RBM25: variants seen among roughly 807,000 people sequenced by gnomAD.
The protein encoded by RBM25 is RNA-binding protein 25.
In RBM25, 19 loss-of-function variants were observed where a neutral mutation model predicts 120.7. That is an observed-to-expected ratio of 0.16 (90% confidence interval 0.11 to 0.23). The LOEUF (loss-of-function observed/expected upper bound fraction) is 0.23. Ranked by LOEUF, RBM25 falls within the 10% of genes least tolerant of loss-of-function variation. The pLI is 1.00. For missense variants in RBM25, 605 were observed against 1,041.5 expected (o/e 0.58, Z 5.77); for synonymous variants, 390 against 326.7 (o/e 1.19, Z -2.09).
At chr14:73,099,300 T>C (rs1896013827) in intron 7 of RBM25, 80 bp from the exon 8 acceptor site, 1 of 1,244,134 alleles carries the variant, frequency 8.0e-7, no homozygotes, top group Non-Finnish European at 1.1e-6. Flanking sequence ...ACGTCATAAA[T>C]GTATAGGGCA....
At chr14:73,074,358 T>TA (rs1361295200) in intron 2 of RBM25, among the ~76,000 whole-genome samples, 1 of 152,164 alleles carries the variant, frequency 6.6e-6, no homozygotes, top group African/African-American at 2.4e-5. Context: ...TAGCTGAGAC[T>TA]ATAGATGTGT....
chr14:73,064,398 T>G (rs1336754944), intron 1 of RBM25, among the ~76,000 whole-genome samples: 1 of 151,354 alleles, frequency 6.6e-6, no homozygotes, highest in African/African-American at 2.4e-5. Flanking sequence ...GACCAATCTT[T>G]TTTATTTTTG....
chr14:73,093,973 A>T (rs184913479), intron 6 of RBM25, among the ~76,000 whole-genome samples: 2,003 of 127,586 alleles, frequency 0.016, 40 homozygotes, highest in East Asian at 0.048. Flanking sequence ...TTTTCTTGAG[A>T]CAGAGTCTCA....
intron 1 of RBM25, among the ~76,000 whole-genome samples, chr14:73,062,697 T>G (rs1010395977): frequency 6.6e-6 from 1 of 151,476 alleles, no homozygotes; most frequent in African/African-American, 2.4e-5. Flanking sequence ...TGGACCAGAT[T>G]TCTTGAGATA....
At chr14:73,071,020 T>A (rs1189373157) in intron 1 of RBM25, among the ~76,000 whole-genome samples, 1 of 141,654 alleles carries the variant, frequency 7.1e-6, no homozygotes, top group Non-Finnish European at 1.5e-5. Context: ...GGAGGGTGGA[T>A]CACTTGAGGT....
At chr14:73,114,654 G>C (rs1169110529) in intron 18 of RBM25, among the ~76,000 whole-genome samples, 2 of 152,172 alleles carry the variant, frequency 1.3e-5, no homozygotes, top group East Asian at 3.8e-4. Flanking sequence ...CCCAGTACTT[G>C]GGAGGCTGAG....
At chr14:73,094,872 G>A (rs1362101762) in intron 6 of RBM25, among the ~76,000 whole-genome samples, 1 of 147,622 alleles carries the variant, frequency 6.8e-6, no homozygotes, top group African/African-American at 2.5e-5. Context: ...TTTGATGGGG[G>A]TGGAGACAGA....
chr14:73,068,615 G>A (rs772772797), intron 1 of RBM25: 23 of 463,808 alleles, frequency 5.0e-5, no homozygotes, highest in Non-Finnish European at 7.9e-5. Flanking sequence ...AGTCTGGCTG[G>A]CATTACCACA....
chr14:73,091,175 T>G (rs927162002), intron 6 of RBM25, among the ~76,000 whole-genome samples: 1 of 152,210 alleles, frequency 6.6e-6, no homozygotes, highest in Non-Finnish European at 1.5e-5. Context: ...TACTACGTAT[T>G]TTTATAAATA....
At chr14:73,108,387 C>T (rs957858794) in intron 13 of RBM25, among the ~76,000 whole-genome samples, 9 of 152,198 alleles carry the variant, frequency 5.9e-5, no homozygotes, top group African/African-American at 1.9e-4. Flanking sequence ...CAACGAATCT[C>T]TGTAACTATC....
chr14:73,086,769 A>G (rs541425307), intron 5 of RBM25, among the ~76,000 whole-genome samples: 9 of 152,190 alleles, frequency 5.9e-5, no homozygotes, highest in Admixed American at 2.0e-4. Flanking sequence ...CAGTGGGGCA[A>G]TCTCAGCTTA....
At position 73,103,471 on chromosome 14, in the gene RBM25, C is replaced by A; in HGVS notation, c.1147C>A (p.Arg383=). Residue 383 remains arginine, a synonymous_variant, in exon 10 of 19, where the codon CGA becomes AGA. Coordinates refer to ENST00000261973, the MANE Select transcript of RBM25 (RefSeq NM_021239.3). The part of the protein sequence containing the change: ...RSSDRNKDRS[R]SREKSRDRER... Reference sequence around the variant, plus strand: ...CTCAGATCGTAATAAGGATCGCAGTCGATCAAGGTAAGGCTTTACAGAAGT... The same window carrying A: ...CTCAGATCGTAATAAGGATCGCAGTAGATCAAGGTAAGGCTTTACAGAAGT... The A allele has an allele frequency of 1.3e-6, 2 of 1,593,026 alleles. No homozygotes were observed. Among genetic ancestry groups the A allele is most frequent in the Non-Finnish European group, 1.7e-6 (2 of 1,171,010 alleles).
At chr14:73,099,007 C>A (rs537379450) in intron 7 of RBM25, among the ~76,000 whole-genome samples, 106 of 152,238 alleles carry the variant, frequency 7.0e-4, no homozygotes, top group Non-Finnish European at 1.2e-3. Flanking sequence ...CTTCCTCTTT[C>A]TTCATTAGTG....
At chr14:73,087,066 A>T (rs1254134739) in intron 5 of RBM25, among the ~76,000 whole-genome samples, 1 of 45,590 alleles carries the variant, frequency 2.2e-5, no homozygotes, top group Admixed American at 2.3e-4. Flanking sequence ...CTGAAATGTC[A>T]AATTTACTAT....
At chr14:73,114,120 C>G (rs3025771) in intron 17 of RBM25, among the ~76,000 whole-genome samples, 166 bp from the exon 18 acceptor site, 1,769 of 152,226 alleles carry the variant, frequency 0.012, 32 homozygotes, top group African/African-American at 0.038. Flanking sequence ...GGTTTTGGTG[C>G]CTCTTTCGTT....
At chr14:73,092,038 T>C (rs978143366) in intron 6 of RBM25, among the ~76,000 whole-genome samples, 21 of 152,164 alleles carry the variant, frequency 1.4e-4, no homozygotes, top group African/African-American at 5.1e-4. Flanking sequence ...GTACTTGAAG[T>C]CATAGGATAA....
At chr14:73,062,180 A>G (rs1228922127) in intron 1 of RBM25, among the ~76,000 whole-genome samples, 1 of 151,596 alleles carries the variant, frequency 6.6e-6, no homozygotes, top group Non-Finnish European at 1.5e-5. Flanking sequence ...AAAAGTGGCA[A>G]TGTCAGAAAA....
At chr14:73,108,096 A>G (rs362434) in intron 13 of RBM25, among the ~76,000 whole-genome samples, 197 bp downstream of exon 13, 33 of 152,230 alleles carry the variant, frequency 2.2e-4, no homozygotes, top group Admixed American at 1.9e-3. Context: ...AAACATTTCT[A>G]TGCATCTTTT....
rs954155376 is a variant in RBM25, at chr14:73,120,219, C to T, written c.*414C>T. On this transcript the variant is annotated 3_prime_UTR_variant, in exon 19 of 19. Transcript: ENST00000261973. ...GAAAACACCAGTCATAAACTATTAC[C>T]ACCCCCACTCTCTTTTGATCAGAAA... 1 of 154,212 alleles carries T rather than the reference C, an allele frequency of 6.5e-6. No individual in the cohort carries two copies. Among genetic ancestry groups the T allele is most frequent in the African/African-American group, 2.4e-5 (1 of 41,446 alleles). 9.6% of individuals were successfully genotyped at this position (154,212 alleles called of 1,614,324 possible). A position where few individuals can be genotyped will look rare whatever the true frequency, so the allele number is the denominator to read the frequency against.
Sources: allele counts gnomAD v4.1 joint callset (sites outside exome capture counted in the v4.1 genomes callset), GRCh38; gene constraint gnomAD v4.1.1; transcripts MANE v1.5; gene names NCBI Gene and HGNC (gene_info 2026-07-23, HGNC 2026-07-21).